SPMIP2: variants seen among roughly 807,000 people sequenced by gnomAD.
SPMIP2 encodes the protein protein SPMIP2.
chr4:159,062,074 C>G, the SPMIP2 span, among the ~76,000 whole-genome samples: 1 of 152,188 alleles, frequency 6.6e-6, no homozygotes, highest in South Asian at 2.1e-4. Flanking sequence ...GTGTCGGGAG[C>G]TAGACCTCAG....
the SPMIP2 span, among the ~76,000 whole-genome samples, chr4:159,054,748 T>G: frequency 6.6e-6 from 1 of 152,212 alleles, no homozygotes; most frequent in Non-Finnish European, 1.5e-5. Flanking sequence ...CTTCTCCTGC[T>G]TGCCTCTGTC....
At chr4:158,904,719 T>C in the SPMIP2 span, 1 of 599,964 alleles carries the variant, frequency 1.7e-6, no homozygotes, top group Non-Finnish European at 3.0e-6. Flanking sequence ...AAGACTTAGG[T>C]TTACTTGACA....
At chr4:158,942,480 T>C in the SPMIP2 span, among the ~76,000 whole-genome samples, 1 of 152,088 alleles carries the variant, frequency 6.6e-6, no homozygotes, top group Non-Finnish European at 1.5e-5. Context: ...CACAAATAGG[T>C]AATCCTGGCT....
the SPMIP2 span, among the ~76,000 whole-genome samples, chr4:158,945,174 C>T: frequency 2.6e-5 from 4 of 152,214 alleles, no homozygotes; most frequent in South Asian, 6.2e-4. Context: ...GAGGTCCGCT[C>T]TTCTTGAACC....
At chr4:158,973,266 G>T in the SPMIP2 span, 42 of 1,613,640 alleles carry the variant, frequency 2.6e-5, no homozygotes, top group Non-Finnish European at 3.5e-5. Flanking sequence ...TACATAGGAG[G>T]TGTGCTGATG....
At chr4:158,986,412 C>T in the SPMIP2 span, among the ~76,000 whole-genome samples, 2 of 152,128 alleles carry the variant, frequency 1.3e-5, no homozygotes, top group Non-Finnish European at 2.9e-5. Flanking sequence ...AACCAAAACA[C>T]CATGGTACTG....
At chr4:159,060,788 A>C in the SPMIP2 span, among the ~76,000 whole-genome samples, 2 of 152,186 alleles carry the variant, frequency 1.3e-5, no homozygotes, top group Non-Finnish European at 2.9e-5. Flanking sequence ...AGTAGTATTA[A>C]GTATATATAG....
At chr4:159,008,089 C>G in the SPMIP2 span, among the ~76,000 whole-genome samples, 3 of 151,802 alleles carry the variant, frequency 2.0e-5, no homozygotes, top group South Asian at 2.1e-4. Flanking sequence ...TAAGTAGATA[C>G]AGTACAAAAT....
the SPMIP2 span, among the ~76,000 whole-genome samples, chr4:159,059,039 C>A: frequency 2.6e-5 from 4 of 152,186 alleles, no homozygotes; most frequent in Non-Finnish European, 4.4e-5. Context: ...AACATAGACA[C>A]AATCTGTGAG....
chr4:159,074,394 T>C, the SPMIP2 span, among the ~76,000 whole-genome samples: 1 of 152,150 alleles, frequency 6.6e-6, no homozygotes, highest in Non-Finnish European at 1.5e-5. Flanking sequence ...CTTTCTCTTA[T>C]TCCTAGTTGT....
At chr4:159,020,629 C>T in the SPMIP2 span, among the ~76,000 whole-genome samples, 1 of 152,292 alleles carries the variant, frequency 6.6e-6, no homozygotes, top group African/African-American at 2.4e-5. Flanking sequence ...AGTCTGAACT[C>T]TGCTTTAACA....
the SPMIP2 span, among the ~76,000 whole-genome samples, chr4:158,951,124 T>A: frequency 6.6e-6 from 1 of 152,244 alleles, no homozygotes; most frequent in East Asian, 1.9e-4. Flanking sequence ...TTCTTGATGG[T>A]AGGTGCCAGA....
chr4:158,985,416 A>T, the SPMIP2 span, among the ~76,000 whole-genome samples: 2 of 151,370 alleles, frequency 1.3e-5, no homozygotes, highest in Admixed American at 6.6e-5. Flanking sequence ...CCAGCAGCAC[A>T]TCAAAAAGCT....
the SPMIP2 span, among the ~76,000 whole-genome samples, chr4:158,962,439 G>T: frequency 3.9e-5 from 6 of 152,118 alleles, no homozygotes; most frequent in Admixed American, 2.6e-4. Context: ...GAATACAATG[G>T]CAATGTAATT....
At chr4:159,034,440 T>C in the SPMIP2 span, among the ~76,000 whole-genome samples, 40 of 152,270 alleles carry the variant, frequency 2.6e-4, no homozygotes, top group Admixed American at 6.5e-4. Context: ...AAGAAGTTTC[T>C]CTTGCACAAA....
chr4:159,010,278 A>G, the SPMIP2 span, among the ~76,000 whole-genome samples: 439 of 152,334 alleles, frequency 2.9e-3, 4 homozygotes, highest in African/African-American at 0.01. Flanking sequence ...GTCAGCAGGT[A>G]TGACCTTGCA....
chr4:158,929,072 C>T, the SPMIP2 span, among the ~76,000 whole-genome samples: 3 of 152,240 alleles, frequency 2.0e-5, no homozygotes, highest in Non-Finnish European at 4.4e-5. Flanking sequence ...ATTCCGGACA[C>T]AGTATGATCT....
At chr4:159,060,041 G>A in the SPMIP2 span, among the ~76,000 whole-genome samples, 1 of 152,196 alleles carries the variant, frequency 6.6e-6, no homozygotes, top group Admixed American at 6.5e-5. Flanking sequence ...CGTGGATGGG[G>A]TTTCCAGGAC....
At chr4:159,008,027 A>G in the SPMIP2 span, among the ~76,000 whole-genome samples, 5 of 152,192 alleles carry the variant, frequency 3.3e-5, no homozygotes, top group Non-Finnish European at 7.3e-5. Context: ...TCTTGAGCCT[A>G]GGAGCTCAAG....
Sources: allele counts gnomAD v4.1 joint callset (sites outside exome capture counted in the v4.1 genomes callset), GRCh38; gene constraint gnomAD v4.1.1; transcripts MANE v1.5; gene names NCBI Gene and HGNC (gene_info 2026-07-23, HGNC 2026-07-21).